Variants in RIN2 observed in about 807,000 individuals in gnomAD.
The protein encoded by RIN2 is Ras and Rab interactor 2.
Under a neutral mutation model 78.0 loss-of-function variants are expected in RIN2, and 36 were observed. That is an observed-to-expected ratio of 0.46 (90% CI 0.35 to 0.61). The LOEUF (loss-of-function observed/expected upper bound fraction) is 0.61. Among genes scored for constraint, RIN2 ranks in the 20% least tolerant of loss-of-function variants. The probability of loss-of-function intolerance (pLI) is 0.00; values close to 1 mark genes in which losing one functional copy is unlikely to be tolerated. For missense variants in RIN2, 1,087 were observed against 1,159.7 expected (o/e 0.94, Z 0.91); for synonymous variants, 466 against 466.8 (o/e 1.00, Z 0.02).
intron 2 of RIN2, among the ~76,000 whole-genome samples, chr20:19,810,196 C>T (rs1472260586): frequency 2.7e-5 from 4 of 148,242 alleles, no homozygotes; most frequent in Admixed American, 2.0e-4. Context: ...GTCAGGAGTT[C>T]GAGACCAGCC....
At chr20:19,940,487 T>C (rs1008441821) in intron 4 of RIN2, among the ~76,000 whole-genome samples, 3 of 152,224 alleles carry the variant, frequency 2.0e-5, no homozygotes, top group Non-Finnish European at 4.4e-5. Flanking sequence ...TGACCAGTTC[T>C]ACCATGAGCT....
intron 2 of RIN2, among the ~76,000 whole-genome samples, chr20:19,849,435 G>T (rs1038548528): frequency 6.6e-6 from 1 of 152,190 alleles, no homozygotes; most frequent in Non-Finnish European, 1.5e-5. Context: ...ACCCAGCAGG[G>T]TCCTGGTAGC....
chr20:19,820,858 A>C (rs7261512), intron 2 of RIN2, among the ~76,000 whole-genome samples: 3,633 of 152,298 alleles, frequency 0.024, 155 homozygotes, highest in African/African-American at 0.083. Flanking sequence ...GTTGTGGAGC[A>C]AGCAGACCTA....
intron 1 of RIN2, among the ~76,000 whole-genome samples, chr20:19,773,306 A>T (rs1190333606): frequency 1.3e-5 from 2 of 152,206 alleles, no homozygotes; most frequent in African/African-American, 4.8e-5. Flanking sequence ...ATCCAATGCT[A>T]GTAGGGGTGA....
chr20:19,925,492 C>A (rs891874831), intron 3 of RIN2, among the ~76,000 whole-genome samples: 2 of 151,920 alleles, frequency 1.3e-5, no homozygotes, highest in Admixed American at 6.6e-5. Context: ...ATTTAAAAGG[C>A]AGAAAAACAA....
At chr20:19,787,149 A>G (rs1964850) in intron 1 of RIN2, among the ~76,000 whole-genome samples, 62,295 of 151,950 alleles carry the variant, frequency 0.41, 16,101 homozygotes, top group African/African-American at 0.74. Context: ...CTGTCTGGGC[A>G]CAGTGGCTCA....
At chr20:19,985,771 C>T (rs936399849) in intron 9 of RIN2, among the ~76,000 whole-genome samples, 7 of 152,156 alleles carry the variant, frequency 4.6e-5, no homozygotes, top group African/African-American at 1.7e-4. Context: ...TCTTACTCAT[C>T]TGTAAAGGTT....
intron 2 of RIN2, among the ~76,000 whole-genome samples, chr20:19,830,961 C>T (rs879164012): frequency 6.6e-5 from 10 of 152,226 alleles, no homozygotes; most frequent in Non-Finnish European, 1.5e-4. Flanking sequence ...TCCATGTCCC[C>T]GTGTCCACTC....
intron 4 of RIN2, among the ~76,000 whole-genome samples, chr20:19,955,169 G>T (rs918032830): frequency 6.6e-6 from 1 of 152,006 alleles, no homozygotes; most frequent in Non-Finnish European, 1.5e-5. Flanking sequence ...CTGTAGATTT[G>T]CTTGTTCTGG....
chr20:19,763,535 A>G (rs201051511), intron 1 of RIN2, among the ~76,000 whole-genome samples: 1 of 22,160 alleles, frequency 4.5e-5, no homozygotes, highest in East Asian at 3.1e-3. Context: ...GAATGAGTGA[A>G]TGAATGAATG....
intron 3 of RIN2, among the ~76,000 whole-genome samples, chr20:19,890,061 CAAA>C (rs2038377755): frequency 6.6e-6 from 1 of 151,698 alleles, no homozygotes; most frequent in Non-Finnish European, 1.5e-5. Context: ...CCAAAACAAA[CAAA>C]CAAACAAACA....
At chr20:19,911,989 T>C (rs2039491693) in intron 3 of RIN2, among the ~76,000 whole-genome samples, 1 of 152,222 alleles carries the variant, frequency 6.6e-6, no homozygotes, top group African/African-American at 2.4e-5. Flanking sequence ...GATGGAAGGA[T>C]CTACAGGGCT....
At chr20:19,961,555 G>T (rs900287102) in intron 6 of RIN2, among the ~76,000 whole-genome samples, 5 of 152,110 alleles carry the variant, frequency 3.3e-5, no homozygotes, top group African/African-American at 1.2e-4. Context: ...GCAAGACAGA[G>T]CCTGGGATTC....
chr20:19,810,136 C>T (rs948121052), intron 2 of RIN2, among the ~76,000 whole-genome samples: 10 of 151,906 alleles, frequency 6.6e-5, no homozygotes, highest in Admixed American at 5.9e-4. Flanking sequence ...TGGTGGCTCA[C>T]ACCTGTAATG....
chr20:19,974,575 T>G, intron 8 of RIN2, 79 bp from the exon 9 acceptor site: 1 of 1,411,916 alleles, frequency 7.1e-7, no homozygotes, highest in Non-Finnish European at 9.7e-7. Flanking sequence ...TGTCATGCAG[T>G]GTGCTTTTTT....
chr20:19,788,457 C>T (rs1325593980), intron 1 of RIN2, among the ~76,000 whole-genome samples: 1 of 76,088 alleles, frequency 1.3e-5, no homozygotes, highest in Admixed American at 1.1e-4. Context: ...AAACAACTAG[C>T]TAGGCATGGT....
chr20:19,839,506 C>T (rs139471426), intron 2 of RIN2, among the ~76,000 whole-genome samples: 20 of 152,350 alleles, frequency 1.3e-4, no homozygotes, highest in African/African-American at 4.8e-4. Flanking sequence ...TTCACCATGT[C>T]TCTGGGTCCC....
Position 19,975,051 on chromosome 20 carries a change from A to T in RIN2, c.1026A>T (p.Lys342Asn). 1.2e-6 allele frequency: 2 copies of T among 1,613,484 alleles called. No homozygotes were observed. The highest frequency in any genetic ancestry group is 1.7e-6 in the Non-Finnish European group (2 of 1,179,864). Residue 342 changes from lysine (K) to asparagine (N), a missense_variant, in exon 9 of 13, where the codon AAA becomes AAT. This residue lies in a region of RIN2 where 706 missense variants were observed against 667.5 expected (regional missense o/e 1.06). Coordinates refer to ENST00000255006, the MANE Select transcript of RIN2 (RefSeq NM_018993.4). The surrounding 1 kb of genome is among the most constrained non-coding windows in gnomAD (Gnocchi z 4.9). ...TGCCAGAAACAGTCAACCATAACAA[A>T]CATGGGAACGTAGCTCTGCCTGGAA... The part of the protein sequence containing the change: ...TSMPETVNHN[K>N]HGNVALPGTK...
At chr20:19,768,150 C>T (rs2033968816) in intron 1 of RIN2, among the ~76,000 whole-genome samples, 1 of 152,118 alleles carries the variant, frequency 6.6e-6, no homozygotes, top group Admixed American at 6.6e-5. Flanking sequence ...TGGTCTCTCC[C>T]TATGTTTTGA....
Sources: gnomAD v4.1 joint callset for allele counts (sites outside exome capture counted in the v4.1 genomes callset) on GRCh38, gnomAD v4.1.1 for gene constraint, gnomAD v4.1.1 regional missense constraint, Gnocchi (gnomAD v3.1) non-coding constraint, MANE v1.5 for transcripts, NCBI Gene and HGNC (gene_info 2026-07-23, HGNC 2026-07-21) for gene names.